Variants in ACP7 observed in about 807,000 individuals in gnomAD.
ACP7 encodes the protein acid phosphatase type 7.
ACP7 carries 58 observed loss-of-function variants against 60.6 expected under a neutral mutation model. The ratio of observed to expected loss-of-function variants is 0.96; its 90% CI spans 0.77 to 1.19. The LOEUF is 1.19. Among genes scored for constraint, ACP7 ranks in the 50% most tolerant of loss-of-function variants. The pLI, the probability that ACP7 is intolerant of heterozygous loss-of-function variation, is 0.00. For synonymous variants in ACP7, 237 were observed against 232.6 expected, an observed-to-expected ratio of 1.02 and a Z score of -0.17; for missense variants, 574 against 596.2, an observed-to-expected ratio of 0.96 and a Z score of 0.39.
At chr19:39,103,330 T>C (rs2073376332) in intron 11 of ACP7, among the ~76,000 whole-genome samples, 1 of 152,168 alleles carries the variant, frequency 6.6e-6, no homozygotes, top group Non-Finnish European at 1.5e-5. Flanking sequence ...GAGTGTTATT[T>C]ATCTGGATGT....
intron 2 of ACP7, among the ~76,000 whole-genome samples, chr19:39,093,080 C>T (rs989377286): frequency 1.9e-4 from 22 of 113,698 alleles, no homozygotes; most frequent in African/African-American, 6.3e-4. Context: ...GCCTGGCCCC[C>T]GTTTCTTTCT....
chr19:39,099,412 AAGCTGGTTCCG>A (rs1273888945), intron 4 of ACP7, among the ~76,000 whole-genome samples: 1 of 152,108 alleles, frequency 6.6e-6, no homozygotes, highest in Non-Finnish European at 1.5e-5. Flanking sequence ...ATTAGAGAGA[AAGCTGGTTCCG>A]AGTTCGCAGG....
intron 2 of ACP7, among the ~76,000 whole-genome samples, chr19:39,092,921 G>C (rs985910018): frequency 4.6e-5 from 7 of 150,744 alleles, no homozygotes; most frequent in African/African-American, 1.7e-4. Flanking sequence ...GGGACTACAG[G>C]TGTGTGCCAC....
intron 12 of ACP7, 67 bp from the exon 13 acceptor site, chr19:39,109,986 C>G (rs1014955167): frequency 6.6e-7 from 1 of 1,519,574 alleles, no homozygotes; most frequent in Non-Finnish European, 9.1e-7. Context: ...GACTGGAACC[C>G]AGGCCATGTG....
chr19:39,104,187 C>CA (rs2073387841), intron 11 of ACP7, among the ~76,000 whole-genome samples: 1 of 151,614 alleles, frequency 6.6e-6, no homozygotes, highest in African/African-American at 2.4e-5. Flanking sequence ...TGAACAGAAG[C>CA]CACTCACACC....
chr19:39,101,603 T>C, intron 11 of ACP7, 66 bp downstream of exon 11: 1 of 1,526,020 alleles, frequency 6.6e-7, no homozygotes, highest in Non-Finnish European at 8.9e-7. Context: ...CTAACTTTGT[T>C]CCAGACTGAG....
At chr19:39,086,940 A>G (rs970836112) in intron 2 of ACP7, among the ~76,000 whole-genome samples, 1 of 152,166 alleles carries the variant, frequency 6.6e-6, no homozygotes, top group African/African-American at 2.4e-5. Flanking sequence ...TAAGGAACAA[A>G]CTGTATTTTG....
chr19:39,098,876 CCT>C (rs1427891633), intron 3 of ACP7, 82 bp from the exon 4 acceptor site: 40 of 1,399,872 alleles, frequency 2.9e-5, no homozygotes, highest in South Asian at 6.5e-5. Flanking sequence ...CATCTCCTCC[CCT>C]CCACCAGTCG....
At position 39,100,754 on chromosome 19, in the gene ACP7, C is replaced by T. The variant is rs773802015; in HGVS notation, c.708C>T (p.Pro236=). The T allele has an allele frequency of 4.6e-5, 74 of 1,613,860 alleles. No individual in the cohort carries two copies. The highest frequency in any genetic ancestry group is 6.1e-5 in the Non-Finnish European group (72 of 1,179,976). Residue 236 remains proline, a synonymous_variant, in exon 7 of 13, where the codon CCC becomes CCT. Coordinates refer to ENST00000331256, the MANE Select transcript of ACP7 (RefSeq NM_001004318.3). ...ACTCCTCCAGCTGGGATCTGGGTCC[C>T]GCCCACATCATCTCCTTCTCCACCG... ...EGLWYSWDLG[P]AHIISFSTEV...
intron 11 of ACP7, 102 bp from the exon 12 acceptor site, chr19:39,106,845 C>T: frequency 6.9e-7 from 1 of 1,447,084 alleles, no homozygotes; most frequent in Non-Finnish European, 9.4e-7. Context: ...CAAGTCTTCA[C>T]TGTCTTCCTT....
At chr19:39,106,798 AC>A in intron 11 of ACP7, 148 bp from the exon 12 acceptor site, 1 of 870,548 alleles carries the variant, frequency 1.1e-6, no homozygotes, top group Non-Finnish European at 1.7e-6. Context: ...TGCTGGAATT[AC>A]AGGCATGAGC....
Position 39,097,257 on chromosome 19 carries a change from C to T in ACP7, c.122-1201C>T, listed in dbSNP as rs372092933. Among the ~76,000 whole-genome samples, 9 of 152,228 alleles carry T rather than the reference C, an allele frequency of 5.9e-5. No homozygotes were observed. The East Asian group carries it at 9.7e-4, about 16-fold the overall frequency. On this transcript the variant is annotated intron_variant, in intron 2 of 12. Transcript: ENST00000331256. ...CCTTGATTCAGTCTCCCACTGGTCC[C>T]TCCCACAACACGTGGGGATTACGGG...
chr19:39,105,401 T>C (rs1278587373), intron 11 of ACP7, among the ~76,000 whole-genome samples: 1 of 152,124 alleles, frequency 6.6e-6, no homozygotes, highest in East Asian at 1.9e-4. Flanking sequence ...CAGCGAGTTG[T>C]TTTGTGGAAT....
chr19:39,097,399 C>CAAAA lies in ACP7; in HGVS notation c.122-1047_122-1044dup, dbSNP rs527462300. Among the ~76,000 whole-genome samples the CAAAA allele has an allele frequency of 1.6e-3, 205 of 125,668 alleles. 2 individuals are homozygous for CAAAA. Among genetic ancestry groups the CAAAA allele is most frequent in the East Asian group, 3.7e-3 (16 of 4,286 alleles). 82.4% of individuals were successfully genotyped at this position (125,668 alleles called of 152,430 possible). On this transcript the variant is annotated intron_variant, in intron 2 of 12. Transcript: ENST00000331256. ...GCCTAGGCAACAGGGCAAGACTCCT[C>CAAAA]AAAAAAAAAAAAAAATTAGCTGGGC...
intron 11 of ACP7, among the ~76,000 whole-genome samples, chr19:39,104,209 C>T (rs756576858): frequency 4.6e-5 from 7 of 151,920 alleles, no homozygotes; most frequent in Admixed American, 3.3e-4. Flanking sequence ...CACATTGCCC[C>T]ACTCTCGGTT....
In ACP7 at chr19:39,088,303, G is replaced by C. The variant is rs692505; in HGVS notation, c.121+2913G>C. Among the ~76,000 whole-genome samples, 516 of 152,290 alleles carry C rather than the reference G, an allele frequency of 3.4e-3. 3 individuals carry two copies. Among genetic ancestry groups the C allele is most frequent in the Middle Eastern group, 0.014 (4 of 294 alleles). On this transcript the variant is annotated intron_variant, in intron 2 of 12. Coordinates refer to ENST00000331256, the MANE Select transcript of ACP7 (RefSeq NM_001004318.3). ...ACCCCAAAGTGCTGGGATGACAGGG[G>C]TGAGCCACCATGCCCAGCAGAGAGA...
chr19:39,104,510 A>C (rs1042382566), intron 11 of ACP7, among the ~76,000 whole-genome samples: 1 of 152,208 alleles, frequency 6.6e-6, no homozygotes, highest in East Asian at 1.9e-4. Context: ...ATGGCTTCTC[A>C]CGGCCCTTGG....
chr19:39,097,798 C>T (rs947572208), intron 2 of ACP7, among the ~76,000 whole-genome samples: 5 of 151,962 alleles, frequency 3.3e-5, no homozygotes, highest in African/African-American at 7.3e-5. Context: ...TACTCATTCC[C>T]GCATATAACC....
intron 2 of ACP7, among the ~76,000 whole-genome samples, chr19:39,095,045 G>A (rs200630772): frequency 6.6e-6 from 1 of 152,168 alleles, no homozygotes; most frequent in East Asian, 1.9e-4. Flanking sequence ...TGGGAATTAT[G>A]GGTGTACAAT....
Sources: gnomAD v4.1 joint callset for allele counts (sites outside exome capture counted in the v4.1 genomes callset) on GRCh38, gnomAD v4.1.1 for gene constraint, MANE v1.5 for transcripts, NCBI Gene and HGNC (gene_info 2026-07-23, HGNC 2026-07-21) for gene names.